STXBP3: variants seen among roughly 807,000 people sequenced by gnomAD.
STXBP3 encodes the protein syntaxin-binding protein 3.
A neutral mutation model predicts 85.7 loss-of-function variants in STXBP3; 41 were observed. The ratio of observed to expected loss-of-function variants is 0.48; its 90% confidence interval spans 0.37 to 0.62. The LOEUF is 0.62. Among genes scored for constraint, STXBP3 ranks in the 20% least tolerant of loss-of-function variants. STXBP3 has a pLI of 0.00. For missense variants in STXBP3, 563 were observed against 703.1 expected (o/e 0.80, Z 2.25); for synonymous variants, 229 against 231.7 (o/e 0.99, Z 0.10).
chr1:108,754,305 G>A (rs182345408), intron 3 of STXBP3, among the ~76,000 whole-genome samples: 59 of 152,072 alleles, frequency 3.9e-4, no homozygotes, highest in African/African-American at 1.4e-3. Context: ...CAAAGTGCTG[G>A]GATTACAGGT....
At chr1:108,756,058 T>G (rs1056341030) in intron 3 of STXBP3, among the ~76,000 whole-genome samples, 1 of 152,238 alleles carries the variant, frequency 6.6e-6, no homozygotes, top group Admixed American at 6.5e-5. Flanking sequence ...AATATATATG[T>G]AGCTTTAAAT....
chr1:108,750,493 A>G (rs115273602), intron 1 of STXBP3, among the ~76,000 whole-genome samples: 245 of 152,300 alleles, frequency 1.6e-3, no homozygotes, highest in African/African-American at 5.7e-3. Context: ...CCAGATCACA[A>G]TTCTAAAAAT....
At chr1:108,800,141 T>C in intron 16 of STXBP3, 79 bp from the exon 17 acceptor site, 1 of 961,038 alleles carries the variant, frequency 1.0e-6, no homozygotes, top group Non-Finnish European at 1.7e-6. Context: ...CAATTGCAAA[T>C]GCAAGTTTTG....
intron 1 of STXBP3, among the ~76,000 whole-genome samples, chr1:108,750,097 G>A (rs896286131): frequency 3.3e-5 from 5 of 151,946 alleles, no homozygotes; most frequent in Admixed American, 6.6e-5. Flanking sequence ...ACTGTAATGA[G>A]ATGACTTCTG....
At chr1:108,749,666 G>A (rs1359119101) in intron 1 of STXBP3, among the ~76,000 whole-genome samples, 2 of 152,292 alleles carry the variant, frequency 1.3e-5, no homozygotes, top group South Asian at 2.1e-4. Flanking sequence ...ACCTGTGACT[G>A]TGTCACTTTT....
intron 6 of STXBP3, among the ~76,000 whole-genome samples, chr1:108,760,532 A>C (rs977178250): frequency 6.6e-6 from 1 of 152,156 alleles, no homozygotes; most frequent in African/African-American, 2.4e-5. Context: ...TGAGCCTTCA[A>C]TTAATAATAG....
intron 8 of STXBP3, among the ~76,000 whole-genome samples, chr1:108,778,424 G>A (rs1032132211): frequency 6.6e-6 from 1 of 152,082 alleles, no homozygotes; most frequent in African/African-American, 2.4e-5. Context: ...ATCTTAGTTG[G>A]TATCAGTACA....
intron 4 of STXBP3, 142 bp from the exon 5 acceptor site, chr1:108,758,368 A>T (rs1373177822): frequency 7.3e-6 from 3 of 410,602 alleles, no homozygotes; most frequent in Non-Finnish European, 1.3e-5. Context: ...ATAGCATCTT[A>T]AAAAATCAGT....
intron 1 of STXBP3, among the ~76,000 whole-genome samples, chr1:108,750,689 G>C (rs552921356): frequency 5.0e-4 from 76 of 152,156 alleles, no homozygotes; most frequent in Non-Finnish European, 8.1e-4. Context: ...GTTAGTGTCA[G>C]ACTCCACAGG....
intron 6 of STXBP3, among the ~76,000 whole-genome samples, chr1:108,769,344 T>C (rs953324877): frequency 1.3e-5 from 2 of 152,030 alleles, no homozygotes; most frequent in East Asian, 3.9e-4. Context: ...CTTTGTAACT[T>C]TTATTGAAAA....
chr1:108,765,846 ATTT>A (rs1221460441), intron 6 of STXBP3, among the ~76,000 whole-genome samples: 4 of 74,028 alleles, frequency 5.4e-5, no homozygotes, highest in African/African-American at 1.2e-4. Flanking sequence ...TGCTCCCGGC[ATTT>A]TTTTTTTTTT....
intron 2 of STXBP3, 40 bp from the exon 3 acceptor site, chr1:108,753,023 A>G: frequency 6.9e-7 from 1 of 1,452,764 alleles, no homozygotes; most frequent in Admixed American, 2.4e-5. Context: ...TCTTGGTAAT[A>G]GGATGCTTAC....
chr1:108,754,256 A>C (rs1383158670), intron 3 of STXBP3, among the ~76,000 whole-genome samples: 1 of 152,026 alleles, frequency 6.6e-6, no homozygotes, highest in East Asian at 1.9e-4. Context: ...GGATGGTCTC[A>C]AACTCCTGGG....
chr1:108,748,408 C>G (rs1004422), intron 1 of STXBP3, among the ~76,000 whole-genome samples: 110,692 of 152,062 alleles, frequency 0.73, 41,326 homozygotes, highest in African/African-American at 0.78. Flanking sequence ...TGTGTTCCCA[C>G]CTACATGGGA....
intron 6 of STXBP3, chr1:108,767,490 A>C: frequency 5.4e-6 from 1 of 185,744 alleles, no homozygotes; most frequent in Non-Finnish European, 1.1e-5. Flanking sequence ...TAAGAGCTTT[A>C]TTGCCTCCAA....
intron 17 of STXBP3, among the ~76,000 whole-genome samples, chr1:108,807,123 A>G (rs760054023): frequency 9.2e-5 from 14 of 152,222 alleles, no homozygotes; most frequent in East Asian, 3.9e-4. Context: ...ATGGTGGCAC[A>G]TGCCTGTAAT....
intron 17 of STXBP3, among the ~76,000 whole-genome samples, chr1:108,800,771 C>T (rs1663218354): frequency 1.3e-5 from 2 of 152,186 alleles, no homozygotes; most frequent in Admixed American, 1.3e-4. Context: ...ACTTTTTCTA[C>T]ATATGTTTGT....
intron 4 of STXBP3, 107 bp downstream of exon 4, chr1:108,756,873 T>A: frequency 3.9e-6 from 3 of 773,172 alleles, no homozygotes; most frequent in Non-Finnish European, 5.7e-6. Flanking sequence ...TAGAAAAATA[T>A]TGCCATAAAC....
At chr1:108,779,488 A>G (rs1398892229) in intron 9 of STXBP3, 78 bp downstream of exon 9, 1 of 1,400,990 alleles carries the variant, frequency 7.1e-7, no homozygotes. Flanking sequence ...TTATATAGGC[A>G]CCAGAAATCT....
Sources: gnomAD v4.1 joint callset for allele counts (sites outside exome capture counted in the v4.1 genomes callset) on GRCh38, gnomAD v4.1.1 for gene constraint, MANE v1.5 for transcripts, NCBI Gene and HGNC (gene_info 2026-07-23, HGNC 2026-07-21) for gene names.